The following LRFN5 variants were observed in gnomAD, a reference collection of about 807,000 sequenced individuals.
The protein encoded by LRFN5 is leucine-rich repeat and fibronectin type-III domain-containing protein 5.
In LRFN5, 24 loss-of-function variants were observed where a neutral mutation model predicts 45.6. That is an observed-to-expected ratio of 0.53 (90% confidence interval 0.38 to 0.74). The LOEUF (loss-of-function observed/expected upper bound fraction) is 0.74. Among genes scored for constraint, LRFN5 ranks in the 30% least tolerant of loss-of-function variants. The pLI is 0.00. For synonymous variants in LRFN5, 340 were observed against 313.8 expected, an observed-to-expected ratio of 1.08 and a Z score of -0.88; for missense variants, 776 against 861.5, an observed-to-expected ratio of 0.90 and a Z score of 1.24.
At chr14:41,800,473 T>C (rs1415437794) in intron 2 of LRFN5, among the ~76,000 whole-genome samples, 1 of 151,798 alleles carries the variant, frequency 6.6e-6, no homozygotes, top group Admixed American at 6.6e-5. Flanking sequence ...TTAATATATT[T>C]TCTAATAATT....
intron 2 of LRFN5, among the ~76,000 whole-genome samples, chr14:41,780,359 A>G (rs1886438344): frequency 1.3e-5 from 2 of 150,514 alleles, no homozygotes; most frequent in East Asian, 2.0e-4. Flanking sequence ...CTTTTAATGC[A>G]CTGTTAGGTG....
At chr14:41,761,136 T>C (rs1407839638) in intron 1 of LRFN5, among the ~76,000 whole-genome samples, 1 of 152,164 alleles carries the variant, frequency 6.6e-6, no homozygotes, top group Non-Finnish European at 1.5e-5. Flanking sequence ...GTTGTGTGCA[T>C]GTATGTAATA....
intron 1 of LRFN5, among the ~76,000 whole-genome samples, chr14:41,697,044 A>G (rs1036952731): frequency 1.6e-4 from 24 of 151,976 alleles, no homozygotes; most frequent in African/African-American, 5.6e-4. Context: ...TTTTGATATT[A>G]GTAGTATTCT....
chr14:41,757,497 G>A (rs1885456146), intron 1 of LRFN5, among the ~76,000 whole-genome samples: 1 of 152,230 alleles, frequency 6.6e-6, no homozygotes, highest in Non-Finnish European at 1.5e-5. Flanking sequence ...CTTGCAGTTT[G>A]ATCTCAGACT....
intron 2 of LRFN5, among the ~76,000 whole-genome samples, chr14:41,807,111 T>TA (rs545102320): frequency 6.6e-5 from 10 of 152,012 alleles, no homozygotes; most frequent in Non-Finnish European, 7.4e-5. Context: ...AGTAAAGAAA[T>TA]AAGATACATT....
chr14:41,723,806 A>T (rs958059590), intron 1 of LRFN5, among the ~76,000 whole-genome samples: 3 of 152,058 alleles, frequency 2.0e-5, no homozygotes, highest in African/African-American at 7.2e-5. Flanking sequence ...CAGAGTAAGA[A>T]CTCTAGTCTC....
At chr14:41,811,786 A>G (rs1028758388) in intron 2 of LRFN5, among the ~76,000 whole-genome samples, 4 of 152,186 alleles carry the variant, frequency 2.6e-5, no homozygotes, top group Admixed American at 2.0e-4. Flanking sequence ...AGAAGTAGGG[A>G]GTGAGTGCTG....
At chr14:41,894,490 G>A (rs1368445845) in intron 4 of LRFN5, 1 of 963,210 alleles carries the variant, frequency 1.0e-6, no homozygotes, top group Non-Finnish European at 1.2e-6. Context: ...TGATAGAAAG[G>A]TGAGTATCTG....
chr14:41,612,509 A>G (rs1336595761), intron 1 of LRFN5, among the ~76,000 whole-genome samples: 1 of 152,126 alleles, frequency 6.6e-6, no homozygotes, highest in East Asian at 1.9e-4. Context: ...GGAAATTTGG[A>G]CCTTATAGGT....
At chr14:41,858,814 A>C (rs1034225870) in intron 2 of LRFN5, among the ~76,000 whole-genome samples, 17 of 152,134 alleles carry the variant, frequency 1.1e-4, no homozygotes, top group African/African-American at 4.1e-4. Context: ...TATATTCCTC[A>C]GTCACAATCT....
chr14:41,736,118 CCCAGCAATGGGAT>C (rs1386481891), intron 1 of LRFN5, among the ~76,000 whole-genome samples: 2 of 152,072 alleles, frequency 1.3e-5, no homozygotes, highest in Non-Finnish European at 2.9e-5. Context: ...TGGTTATATA[CCCAGCAATGGGAT>C]CACTGGGTCA....
chr14:41,871,155 G>C (rs995369141), intron 2 of LRFN5, among the ~76,000 whole-genome samples: 1 of 151,684 alleles, frequency 6.6e-6, no homozygotes, highest in Non-Finnish European at 1.5e-5. Flanking sequence ...TAAAATCCTA[G>C]GGACAAAAGT....
At chr14:41,875,196 A>G (rs1890147360) in intron 2 of LRFN5, among the ~76,000 whole-genome samples, 1 of 152,338 alleles carries the variant, frequency 6.6e-6, no homozygotes, top group South Asian at 2.1e-4. Flanking sequence ...TTCTACCCAC[A>G]TCACTCCCCT....
chr14:41,782,338 A>G (rs1886558315), intron 2 of LRFN5, among the ~76,000 whole-genome samples: 1 of 150,960 alleles, frequency 6.6e-6, no homozygotes, highest in Non-Finnish European at 1.5e-5. Context: ...CCATCAAATC[A>G]TTTTTCCTTT....
At chr14:41,820,675 A>G (rs963475105) in intron 2 of LRFN5, among the ~76,000 whole-genome samples, 2 of 151,912 alleles carry the variant, frequency 1.3e-5, no homozygotes, top group African/African-American at 4.8e-5. Flanking sequence ...GTCATTTCAG[A>G]GTAATTTCAT....
At chr14:41,768,259 C>T (rs1885958997) in intron 2 of LRFN5, among the ~76,000 whole-genome samples, 1 of 151,968 alleles carries the variant, frequency 6.6e-6, no homozygotes, top group African/African-American at 2.4e-5. Context: ...AAATAGGCAG[C>T]CAGTATGTTG....
chr14:41,803,164 C>A (rs1295193227), intron 2 of LRFN5, among the ~76,000 whole-genome samples: 7 of 152,062 alleles, frequency 4.6e-5, no homozygotes. Flanking sequence ...TAAATCATAG[C>A]AGGTATGAAT....
At chr14:41,730,944 G>A (rs946956340) in intron 1 of LRFN5, among the ~76,000 whole-genome samples, 1 of 151,874 alleles carries the variant, frequency 6.6e-6, no homozygotes, top group African/African-American at 2.4e-5. Context: ...TCATTTGGTG[G>A]GTAGTACCCA....
At chr14:41,739,918 C>G (rs919030846) in intron 1 of LRFN5, among the ~76,000 whole-genome samples, 13 of 151,274 alleles carry the variant, frequency 8.6e-5, no homozygotes, top group African/African-American at 2.9e-4. Context: ...CTATCATGGA[C>G]AACTATATAA....
Sources: gnomAD v4.1 joint callset for allele counts (sites outside exome capture counted in the v4.1 genomes callset) on GRCh38, gnomAD v4.1.1 for gene constraint, MANE v1.5 for transcripts, NCBI Gene and HGNC (gene_info 2026-07-23, HGNC 2026-07-21) for gene names.